TMEM132D: variants seen among roughly 807,000 people sequenced by gnomAD.
TMEM132D encodes the protein mature OL transmembrane protein.
Under a neutral mutation model 62.3 loss-of-function variants are expected in TMEM132D, and 21 were observed. The observed-to-expected ratio is 0.34, with a 90% CI of 0.24 to 0.49. The LOEUF is 0.49. TMEM132D is among the 20% of genes least tolerant of loss of function. The pLI is 0.99. For missense variants in TMEM132D, 1,346 were observed against 1,402.8 expected (o/e 0.96, Z 0.65); for synonymous variants, 621 against 575.6 (o/e 1.08, Z -1.13).
At chr12:129,077,882 C>T (rs76876183) in intron 8 of TMEM132D, among the ~76,000 whole-genome samples, 2 of 88,992 alleles carry the variant, frequency 2.2e-5, no homozygotes, top group African/African-American at 7.9e-5. Flanking sequence ...CATACACAGA[C>T]ACACAAAAAC....
chr12:129,421,575 G>A (rs1243010998), intron 3 of TMEM132D, among the ~76,000 whole-genome samples: 2 of 152,104 alleles, frequency 1.3e-5, no homozygotes, highest in Admixed American at 1.3e-4. Flanking sequence ...TATTTCAAAA[G>A]GTCCACAGTG....
chr12:129,090,836 A>C (rs1217568139), intron 5 of TMEM132D, among the ~76,000 whole-genome samples: 1 of 152,196 alleles, frequency 6.6e-6, no homozygotes, highest in Non-Finnish European at 1.5e-5. Flanking sequence ...CTGATGGGGC[A>C]GAGTGGCACT....
intron 4 of TMEM132D, among the ~76,000 whole-genome samples, chr12:129,322,004 T>A (rs1342681313): frequency 6.6e-6 from 1 of 152,130 alleles, no homozygotes; most frequent in Non-Finnish European, 1.5e-5. Context: ...CCTGGTGGTG[T>A]AAAAGCATCA....
At chr12:129,757,981 C>T (rs1240076700) in intron 1 of TMEM132D, among the ~76,000 whole-genome samples, 2 of 152,222 alleles carry the variant, frequency 1.3e-5, no homozygotes, top group East Asian at 1.9e-4. Flanking sequence ...CGGCTCACTG[C>T]AACCTCCGCC....
At position 129,441,730 on chromosome 12, in the gene TMEM132D, C is replaced by T. The variant is rs577768703; in HGVS notation, c.1115+89329G>A. Among the ~76,000 whole-genome samples the T allele has an allele frequency of 7.2e-5, 11 of 152,182 alleles. No individual in the cohort carries two copies. In the East Asian group the frequency reaches 1.2e-3, roughly 16 times the overall value. ...CTATTCATAATAGCAGCTACGGAAC[C>T]GACCCAGGTACCCAGCAACAGTGGA... is the stretch of plus-strand genomic sequence containing the variant. On this transcript the variant is annotated intron_variant, in intron 3 of 8. Coordinates refer to ENST00000422113, the MANE Select transcript of TMEM132D (RefSeq NM_133448.3).
intron 5 of TMEM132D, among the ~76,000 whole-genome samples, chr12:129,125,692 G>A (rs1327904137): frequency 2.6e-5 from 4 of 151,208 alleles, no homozygotes; most frequent in African/African-American, 7.3e-5. Flanking sequence ...TGGTATAAAC[G>A]GGGTTTTGCT....
chr12:129,597,646 C>G (rs990835047), intron 2 of TMEM132D, among the ~76,000 whole-genome samples: 2 of 152,148 alleles, frequency 1.3e-5, no homozygotes, highest in Non-Finnish European at 2.9e-5. Flanking sequence ...TGAAAGAAAT[C>G]CCTTTAAAAA....
intron 3 of TMEM132D, among the ~76,000 whole-genome samples, chr12:129,339,183 A>G: frequency 6.6e-6 from 1 of 151,982 alleles, no homozygotes; most frequent in East Asian, 1.9e-4. Context: ...AGGCATGAGA[A>G]TTGAACCTGG....
intron 5 of TMEM132D, among the ~76,000 whole-genome samples, chr12:129,124,396 C>G (rs1266148586): frequency 6.6e-6 from 1 of 152,144 alleles, no homozygotes; most frequent in Admixed American, 6.5e-5. Flanking sequence ...ATCTTTATAT[C>G]TGTGCAGCCC....
rs779331022 is a variant in TMEM132D, at chr12:129,656,278, T to TGAAAGGGAAGAGATG, written c.968+43531_968+43532insCATCTCTTCCCTTTC. Among the ~76,000 whole-genome samples the TGAAAGGGAAGAGATG allele has an allele frequency of 0.014, 1,468 of 107,434 alleles. 50 individuals carry two copies. In the South Asian group the frequency reaches 0.15, roughly 11 times the overall value. The allele number at this position is 107,434 out of a possible 152,430, so 70.5% of individuals were successfully genotyped here. ...ATGAAGGAAGGAGAAAAGGAAAGAA[T>TGAAAGGGAAGAGATG]GAAAGGGAAGAGAAGGAAGGAGAGA... is the stretch of plus-strand genomic sequence containing the variant. On this transcript the variant is annotated intron_variant, in intron 2 of 8. Coordinates refer to ENST00000422113, the MANE Select transcript of TMEM132D (RefSeq NM_133448.3).
At chr12:129,901,774 C>T (rs1054366023) in intron 1 of TMEM132D, among the ~76,000 whole-genome samples, 3 of 152,088 alleles carry the variant, frequency 2.0e-5, no homozygotes. Flanking sequence ...ATTTCCAAAG[C>T]TATTCTGTAC....
intron 3 of TMEM132D, among the ~76,000 whole-genome samples, chr12:129,513,349 G>A (rs1875550152): frequency 6.6e-6 from 1 of 152,126 alleles, no homozygotes; most frequent in South Asian, 2.1e-4. Context: ...AGCCATTGAT[G>A]AGGGATCTGC....
At position 129,765,635 on chromosome 12, in the gene TMEM132D, AC is replaced by A. The variant is rs568398793; in HGVS notation, c.80-64938del. Among the ~76,000 whole-genome samples, 697 of 151,984 alleles carry A rather than the reference AC, an allele frequency of 4.6e-3. 8 individuals carry two copies. The highest frequency in any genetic ancestry group is 0.016 in the African/African-American group (646 of 41,448). On this transcript the variant is annotated intron_variant, in intron 1 of 8. Transcript: ENST00000422113. ...TTCTGTTCTGTCCACAAGAGATTAA[AC>A]CAAATTCCCTCTTCCCATCTCCTTT...
intron 4 of TMEM132D, among the ~76,000 whole-genome samples, chr12:129,333,713 C>T (rs796822326): frequency 3.3e-4 from 50 of 152,304 alleles, no homozygotes; most frequent in African/African-American, 1.1e-3. Context: ...CTCCAGCCTC[C>T]CTTGCAGCTA....
intron 1 of TMEM132D, among the ~76,000 whole-genome samples, chr12:129,760,244 C>T (rs1435183018): frequency 1.3e-5 from 2 of 151,762 alleles, no homozygotes; most frequent in South Asian, 2.1e-4. Flanking sequence ...GTCTGCCTTT[C>T]CCAGTATCCC....
At chr12:129,665,428 G>A (rs1021104539) in intron 2 of TMEM132D, among the ~76,000 whole-genome samples, 77 of 152,256 alleles carry the variant, frequency 5.1e-4, no homozygotes, top group African/African-American at 1.6e-3. Flanking sequence ...CAGGAAATGA[G>A]CGCGTGGGCA....
intron 2 of TMEM132D, among the ~76,000 whole-genome samples, chr12:129,655,990 G>A (rs768594343): frequency 3.3e-5 from 5 of 152,162 alleles, no homozygotes; most frequent in South Asian, 4.2e-4. Context: ...AGGCGTCAAC[G>A]TTACTAGAGC....
intron 1 of TMEM132D, among the ~76,000 whole-genome samples, chr12:129,754,289 G>A (rs971748598): frequency 6.6e-6 from 1 of 152,174 alleles, no homozygotes; most frequent in African/African-American, 2.4e-5. Flanking sequence ...AAATTCATAT[G>A]CAGAATCTTA....
intron 4 of TMEM132D, among the ~76,000 whole-genome samples, chr12:129,312,715 C>T (rs1419106991): frequency 6.6e-6 from 1 of 151,922 alleles, no homozygotes; most frequent in Non-Finnish European, 1.5e-5. Flanking sequence ...GGACTACAGG[C>T]GCCCGCCACT....
Sources: gnomAD v4.1 joint callset for allele counts (sites outside exome capture counted in the v4.1 genomes callset) on GRCh38, gnomAD v4.1.1 for gene constraint, MANE v1.5 for transcripts, NCBI Gene and HGNC (gene_info 2026-07-23, HGNC 2026-07-21) for gene names.